The following SORBS2 variants were observed in gnomAD, a reference collection of about 807,000 sequenced individuals.
SORBS2 encodes sorbin and SH3 domain-containing protein 2.
A neutral mutation model predicts 97.7 loss-of-function variants in SORBS2; 46 were observed. The ratio of observed to expected loss-of-function variants is 0.47; its 90% CI spans 0.37 to 0.60. The LOEUF is 0.60. Ranked by LOEUF, SORBS2 falls within the 20% of genes least tolerant of loss-of-function variation. SORBS2 has a pLI of 0.00. For synonymous variants in SORBS2, 476 were observed against 473.4 expected (o/e 1.01, Z -0.07); for missense variants, 1,316 against 1,282.3 (o/e 1.03, Z -0.40).
chr4:185,587,851 A>AGCAGTGTTAGC (rs1254837190), intron 14 of SORBS2, 163 bp from the exon 27 acceptor site: 19 of 602,994 alleles, frequency 3.2e-5, no homozygotes, highest in South Asian at 6.0e-5. Flanking sequence ...AGACAAAATA[A>AGCAGTGTTAGC]GCAGTGTTAG....
intron 5 of SORBS2, 29 bp downstream of exon 8, chr4:185,662,075 A>G: frequency 6.2e-7 from 1 of 1,612,992 alleles, no homozygotes; most frequent in Non-Finnish European, 8.5e-7. Flanking sequence ...TGAGGTTGCC[A>G]TGGAAATCAC....
intron 4 of SORBS2, among the ~76,000 whole-genome samples, chr4:185,671,666 G>A (rs376350843): frequency 5.4e-4 from 83 of 152,328 alleles, no homozygotes; most frequent in African/African-American, 2.0e-3. Context: ...TAGCAGGGTA[G>A]GGAAGAGAAG....
chr4:185,825,598 A>G (rs1198980576), intron 1 of SORBS2, among the ~76,000 whole-genome samples: 1 of 152,154 alleles, frequency 6.6e-6, no homozygotes, highest in African/African-American at 2.4e-5. Flanking sequence ...TTTGCCATTG[A>G]TCTAGGATAA....
At chr4:185,789,943 C>T (rs2099073046) in intron 1 of SORBS2, among the ~76,000 whole-genome samples, 1 of 152,104 alleles carries the variant, frequency 6.6e-6, no homozygotes, top group Non-Finnish European at 1.5e-5. Context: ...TGTACTGTTT[C>T]CAAATCAACT....
chr4:185,720,837 G>A (rs1024185561), intron 2 of SORBS2, among the ~76,000 whole-genome samples: 3 of 152,148 alleles, frequency 2.0e-5, no homozygotes, highest in Non-Finnish European at 2.9e-5. Context: ...CGTGTGGGAT[G>A]AGCAACCTTG....
At chr4:185,715,542 AAAGTT>A (rs1343450723) in intron 2 of SORBS2, among the ~76,000 whole-genome samples, 57 of 152,304 alleles carry the variant, frequency 3.7e-4, no homozygotes, top group Non-Finnish European at 6.2e-4. Flanking sequence ...AAAAACTGGT[AAAGTT>A]AACTCTATTT....
At position 185,811,799 on chromosome 4, in the gene SORBS2, AG is replaced by A. The variant is rs2153667792; in HGVS notation, c.-337-36434del. 1 of 152,648 alleles carries A rather than the reference AG, an allele frequency of 6.6e-6. No homozygotes were observed. Among genetic ancestry groups the A allele is most frequent in the South Asian group, 2.1e-4 (1 of 4,834 alleles). The allele number at this position is 152,648 out of a possible 1,614,324, so 9.5% of individuals were successfully genotyped here. On this transcript the variant is annotated intron_variant, in intron 1 of 20. In the 5' UTR this introduces an upstream ATG that the reference lacks. Coordinates refer to the SORBS2 transcript ENST00000284776. ...AGAGCGTCCGCCTGCGTTCCAGTCC[AG>A]TGCCCGTCCCAGCACACACCTGCTT... is the stretch of plus-strand genomic sequence containing the variant.
At chr4:185,593,913 T>C (rs1419916275) in exon 13 of SORBS2, 19 of 1,607,338 alleles carry the variant, frequency 1.2e-5, no homozygotes, top group Non-Finnish European at 1.6e-5. Context: ...AATATTTTCA[T>C]GAGTAAACAC....
intron 2 of SORBS2, among the ~76,000 whole-genome samples, chr4:185,720,719 G>T (rs2098506060): frequency 6.6e-6 from 1 of 152,166 alleles, no homozygotes; most frequent in Non-Finnish European, 1.5e-5. Context: ...GAGACCTTGA[G>T]GATGCATTTA....
intron 4 of SORBS2, chr4:185,675,205 A>G (rs2097773989): frequency 6.6e-6 from 1 of 152,246 alleles, no homozygotes. Flanking sequence ...TTCAAACATC[A>G]CAAAACCATT....
intron 1 of SORBS2, among the ~76,000 whole-genome samples, chr4:185,806,275 A>T (rs1004934805): frequency 6.6e-6 from 1 of 152,206 alleles, no homozygotes; most frequent in Non-Finnish European, 1.5e-5. Context: ...AGGAGACTAG[A>T]ATGAATATTT....
chr4:185,694,679 T>G (rs1000482150), intron 2 of SORBS2, among the ~76,000 whole-genome samples: 1 of 142,248 alleles, frequency 7.0e-6, no homozygotes, highest in African/African-American at 2.6e-5. Flanking sequence ...GAATTTCTTT[T>G]TTTTCTTTTT....
In SORBS2 at chr4:185,669,286, C is replaced by T. The variant is rs535737404; in HGVS notation, c.-45-7044G>A. Among the ~76,000 whole-genome samples the T allele has an allele frequency of 7.9e-5, 12 of 152,252 alleles. No individual in the cohort carries two copies. In the South Asian group the frequency reaches 8.3e-4, roughly 11 times the overall value. On this transcript the variant is annotated intron_variant, in intron 4 of 20. Coordinates refer to the SORBS2 transcript ENST00000284776. ...GTTGGATGACAGGGAATGATGGGACCGATGGCAGAATGCGGAAGTCATGTT... is the reference window on the plus strand; with the variant it reads ...GTTGGATGACAGGGAATGATGGGACTGATGGCAGAATGCGGAAGTCATGTT...
At chr4:185,790,627 TATAA>T (rs1166471650) in intron 1 of SORBS2, among the ~76,000 whole-genome samples, 1 of 152,372 alleles carries the variant, frequency 6.6e-6, no homozygotes, top group East Asian at 1.9e-4. Context: ...TGCAGCCATA[TATAA>T]ATAGATGGTC....
At chr4:185,896,264 T>G (rs1219206137) in intron 1 of SORBS2, among the ~76,000 whole-genome samples, 3 of 152,176 alleles carry the variant, frequency 2.0e-5, no homozygotes, top group Non-Finnish European at 4.4e-5. Flanking sequence ...GGGTTCTGAA[T>G]TAGATACAAA....
At chr4:185,832,794 T>C (rs2099205822) in intron 1 of SORBS2, among the ~76,000 whole-genome samples, 1 of 152,208 alleles carries the variant, frequency 6.6e-6, no homozygotes, top group Admixed American at 6.5e-5. Context: ...AAAGTGTATA[T>C]GTATCTTCCC....
At chr4:185,880,250 C>T (rs188724171) in intron 1 of SORBS2, among the ~76,000 whole-genome samples, 2 of 152,318 alleles carry the variant, frequency 1.3e-5, no homozygotes, top group Non-Finnish European at 2.9e-5. Flanking sequence ...AGGCAACCCA[C>T]TCCCATTTAA....
At chr4:185,812,632 G>A (rs2099188779) in intron 1 of SORBS2, among the ~76,000 whole-genome samples, 1 of 152,062 alleles carries the variant, frequency 6.6e-6, no homozygotes, top group South Asian at 2.1e-4. Flanking sequence ...AAACGGGAGA[G>A]TTACACTTTT....
chr4:185,665,248 GAGA>G (rs1374341026), intron 4 of SORBS2, among the ~76,000 whole-genome samples: 1 of 152,166 alleles, frequency 6.6e-6, no homozygotes, highest in Non-Finnish European at 1.5e-5. Context: ...GTAGCTGTTA[GAGA>G]AGGAGGAACA....
Sources: gnomAD v4.1 joint callset for allele counts (sites outside exome capture counted in the v4.1 genomes callset) on GRCh38, gnomAD v4.1.1 for gene constraint, MANE v1.5 for transcripts, NCBI Gene and HGNC (gene_info 2026-07-23, HGNC 2026-07-21) for gene names.